Variants in MROH1 observed in about 807,000 individuals in gnomAD.
The protein encoded by MROH1 is maestro heat like repeat family member 1.
In MROH1, 117 loss-of-function variants were observed where a neutral mutation model predicts 116.5. That is an observed-to-expected ratio of 1.00 (90% CI 0.86 to 1.17). The LOEUF is 1.17. Ranked by LOEUF, MROH1 falls within the 50% of genes most tolerant of loss-of-function variation. The pLI, the probability that MROH1 is intolerant of heterozygous loss-of-function variation, is 0.00. For synonymous variants in MROH1, 921 were observed against 583.9 expected, an observed-to-expected ratio of 1.58 and a Z score of -8.32; for missense variants, 1,873 against 1,338.5, an observed-to-expected ratio of 1.40 and a Z score of -6.23.
intron 25 of MROH1, 38 bp downstream of exon 25, chr8:144,243,654 T>G (rs1588448725): frequency 1.3e-6 from 1 of 776,064 alleles, no homozygotes; most frequent in Middle Eastern, 2.4e-4. Context: ...CTCAGGCAGG[T>G]TCCTGGGAGA....
chr8:144,209,387 T>C (rs1263291682), intron 12 of MROH1, among the ~76,000 whole-genome samples: 1 of 151,712 alleles, frequency 6.6e-6, no homozygotes, highest in Non-Finnish European at 1.5e-5. Flanking sequence ...GAGATCATCC[T>C]GGCTAACACA....
chr8:144,250,395 GTCCCTCTGGAATGATGC>G (rs1842654446), intron 33 of MROH1, 29 bp downstream of exon 33: 3 of 744,086 alleles, frequency 4.0e-6, no homozygotes, highest in South Asian at 1.4e-5. Context: ...AGGCTTAGGG[GTCCCTCTGGAATGATGC>G]TCCCCCTGGA....
intron 7 of MROH1, among the ~76,000 whole-genome samples, chr8:144,185,900 G>A (rs55811697): frequency 0.85 from 107,299 of 126,522 alleles, 48,072 homozygotes; most frequent in East Asian, 1. Context: ...GGTGAGGGGT[G>A]GCGGGGGGGC....
chr8:144,223,198 G>C lies in MROH1; in HGVS notation c.1306G>C (p.Val436Leu). Residue 436 changes from valine to leucine, a missense_variant, in exon 14 of 44, where the codon GTG becomes CTG. Val to Leu is a conservative substitution (Grantham distance 32). Coordinates refer to ENST00000326134, the MANE Select transcript of MROH1 (RefSeq NM_032450.3). Reference protein sequence around the residue: ...PGGEAMIEYIVQQCALPPEQE... With the variant: ...PGGEAMIEYILQQCALPPEQE... ...AGGTGAGGCGATGATCGAGTACATCGTGCAGCAGTGCGCGCTGCCCCCCGA... is the reference window on the plus strand; with the variant it reads ...AGGTGAGGCGATGATCGAGTACATCCTGCAGCAGTGCGCGCTGCCCCCCGA... 6.2e-7 allele frequency: 1 copy of C among 1,610,178 alleles called. No homozygotes were observed. Among genetic ancestry groups the C allele is most frequent in the Non-Finnish European group, 8.5e-7 (1 of 1,178,536 alleles).
chr8:144,180,047 C>T lies in MROH1; in HGVS notation c.301-131C>T. ...AGCCCCTCAGCAGAGGAGGCTGTGC[C>T]CGCCACCTTCCCTGACCTGCACTTT... On this transcript the variant is annotated intron_variant, in intron 5 of 43. Transcript: ENST00000326134. This position sits in a 1 kb window ranked among gnomAD's most constrained non-coding sequence, Gnocchi z 7.4. 2 of 1,162,080 alleles carry T rather than the reference C, an allele frequency of 1.7e-6. No homozygotes were observed. Among genetic ancestry groups the T allele is most frequent in the Admixed American group, 2.0e-5 (1 of 49,518 alleles). The allele number at this position is 1,162,080 out of a possible 1,614,324, so 72.0% of individuals were successfully genotyped here. A position where few individuals can be genotyped will look rare whatever the true frequency, so the allele number is the denominator to read the frequency against.
rs1172468243 is a variant in MROH1, at chr8:144,239,169, C to T, written c.1581C>T (p.Tyr527=). 16 of 764,562 alleles carry T rather than the reference C, an allele frequency of 2.1e-5. No individual in the cohort carries two copies. Among genetic ancestry groups the T allele is most frequent in the South Asian group, 5.4e-5 (4 of 74,076 alleles). The allele number at this position is 764,562 out of a possible 1,614,324, so 47.4% of individuals were successfully genotyped here. The part of the protein sequence containing the change: ...EAGADAFLIQ[Y]DAHASLPSPY... ...GGGCCGACGCCTTCCTCATCCAGTACGACGCCCATGGTGCGTGCCGCGCCG... is the reference window on the plus strand; with the variant it reads ...GGGCCGACGCCTTCCTCATCCAGTATGACGCCCATGGTGCGTGCCGCGCCG... Residue 527 remains tyrosine, a synonymous_variant, in exon 16 of 44, where the codon TAC becomes TAT. Transcript: ENST00000326134.
chr8:144,176,536 G>GGA (rs796662459), intron 4 of MROH1, among the ~76,000 whole-genome samples: 2 of 129,630 alleles, frequency 1.5e-5, no homozygotes, highest in Admixed American at 8.2e-5. Context: ...CCCTGACTCA[G>GGA]AAAAAAAAAA....
chr8:144,233,683 C>A (rs1564532052), intron 14 of MROH1, among the ~76,000 whole-genome samples: 1 of 152,242 alleles, frequency 6.6e-6, no homozygotes, highest in African/African-American at 2.4e-5. Flanking sequence ...GAATTTCACT[C>A]CTTCAGGGCT....
intron 35 of MROH1, among the ~76,000 whole-genome samples, chr8:144,258,309 C>G (rs1177380435): frequency 1.3e-5 from 2 of 152,232 alleles, no homozygotes; most frequent in Non-Finnish European, 2.9e-5. Flanking sequence ...CACTTGCCAG[C>G]CAGCCTCAGC....
chr8:144,174,143 C>T (rs950724418), intron 4 of MROH1, among the ~76,000 whole-genome samples: 17 of 151,848 alleles, frequency 1.1e-4, no homozygotes, highest in African/African-American at 3.6e-4. Flanking sequence ...CAAAGGTGGG[C>T]GTGATGGTAT....
intron 1 of MROH1, among the ~76,000 whole-genome samples, chr8:144,152,153 T>G (rs1413853744): frequency 1.1e-4 from 16 of 152,152 alleles, no homozygotes; most frequent in African/African-American, 3.6e-4. Flanking sequence ...TTGACAGCAA[T>G]GAATAATAAA....
At chr8:144,184,245 A>G in intron 7 of MROH1, among the ~76,000 whole-genome samples, 1 of 152,146 alleles carries the variant, frequency 6.6e-6, no homozygotes, top group East Asian at 1.9e-4. Context: ...CCAGTGTCCT[A>G]CTGAATGTTT....
Position 144,260,714 on chromosome 8 carries a change from T to C in MROH1, c.4418T>C (p.Phe1473Ser), listed in dbSNP as rs1189552554. Residue 1473 changes from phenylalanine (F) to serine (S), a missense_variant, in exon 40 of 44, where the codon TTT becomes TCT. Phe to Ser is a radical substitution (Grantham distance 155). Transcript: ENST00000326134. ...TTCCGGACGGCATCTATCCGCCTCT[T>C]TGGGCACCTTAACAAGGTCTGCCAC... ...MEFRTASIRL[F>S]GHLNKVCHGD... 2 of 779,542 alleles carry C rather than the reference T, an allele frequency of 2.6e-6. No homozygotes were observed. The highest frequency in any genetic ancestry group is 4.8e-6 in the Non-Finnish European group (2 of 417,794). 48.3% of individuals were successfully genotyped at this position (779,542 alleles called of 1,614,324 possible).
In MROH1 at chr8:144,163,847, G is replaced by T; in HGVS notation, c.21G>T (p.Lys7Asn). MTESSMKKLASTLLDAI... is the reference protein window; with the variant it reads MTESSMNKLASTLLDAI... ...CAGACATGACTGAGTCCTCCATGAA[G>T]AGTGAGTGCATGGGGATTGGGAGTG... The change falls in exon 3 of 44, where the codon AAG (lysine) becomes AAT (asparagine). Residue 7 changes from lysine (K) to asparagine (N), a missense_variant and splice_region_variant. Transcript: ENST00000326134. This position sits in a 1 kb window ranked among gnomAD's most constrained non-coding sequence, Gnocchi z 4.4. The T allele has an allele frequency of 6.2e-7, 1 of 1,613,776 alleles. No homozygotes were observed. Among genetic ancestry groups the T allele is most frequent in the Non-Finnish European group, 8.5e-7 (1 of 1,179,790 alleles).
intron 3 of MROH1, among the ~76,000 whole-genome samples, chr8:144,167,973 C>T (rs918985939): frequency 1.3e-5 from 2 of 152,136 alleles, no homozygotes; most frequent in African/African-American, 2.4e-5. Flanking sequence ...CAGCCTCATG[C>T]CTGCCTGTGT....
chr8:144,200,946 T>A (rs1830979456), intron 12 of MROH1: 1 of 166,970 alleles, frequency 6.0e-6, no homozygotes, highest in African/African-American at 2.4e-5. Flanking sequence ...GGAGCCTTTT[T>A]ACTCTTTTTA....
chr8:144,221,152 A>T (rs1233596771), intron 13 of MROH1, among the ~76,000 whole-genome samples: 1 of 152,216 alleles, frequency 6.6e-6, no homozygotes, highest in African/African-American at 2.4e-5. Flanking sequence ...AGAGCATCAC[A>T]ACCAGGGAAG....
intron 7 of MROH1, among the ~76,000 whole-genome samples, chr8:144,181,626 A>G (rs1319929844): frequency 4.6e-5 from 7 of 152,140 alleles, no homozygotes; most frequent in African/African-American, 1.7e-4. Flanking sequence ...TAGTAACTCC[A>G]TGTGACCCAG....
intron 33 of MROH1, chr8:144,251,526 A>G (rs1364313465): frequency 6.6e-6 from 1 of 152,186 alleles, no homozygotes; most frequent in Non-Finnish European, 1.5e-5. Context: ...CGTTTGCCCT[A>G]AAGGTGGCTG....
Sources: allele counts gnomAD v4.1 joint callset (sites outside exome capture counted in the v4.1 genomes callset), GRCh38; gene constraint gnomAD v4.1.1; non-coding constraint Gnocchi (gnomAD v3.1); transcripts MANE v1.5; gene names NCBI Gene and HGNC (gene_info 2026-07-23, HGNC 2026-07-21).